Variants in PCCA observed in about 807,000 individuals in gnomAD.
The protein encoded by PCCA is propionyl-CoA carboxylase alpha chain, mitochondrial.
PCCA carries 74 observed loss-of-function variants against 101.3 expected under a neutral mutation model. That is an observed-to-expected ratio of 0.73 (90% CI 0.61 to 0.89). The LOEUF (loss-of-function observed/expected upper bound fraction) is 0.89. Among genes scored for constraint, PCCA ranks in the 40% least tolerant of loss-of-function variants. PCCA has a pLI of 0.00. For synonymous variants in PCCA, 294 were observed against 313.6 expected, an observed-to-expected ratio of 0.94 and a Z score of 0.66; for missense variants, 891 against 907.0, an observed-to-expected ratio of 0.98 and a Z score of 0.23.
In PCCA at chr13:100,140,739, TAGTTGGG is replaced by T. The variant is rs554049879; in HGVS notation, c.301-14239_301-14233del. 1.6e-4 allele frequency among the ~76,000 whole-genome samples: 24 copies of T among 152,246 alleles called. 1 individual carries two copies. The East Asian group carries it at 4.2e-3, about 27-fold the overall frequency. On this transcript the variant is annotated intron_variant, in intron 4 of 23. Coordinates refer to ENST00000376285, the MANE Select transcript of PCCA (RefSeq NM_000282.4). ...GGTTTCATAGTTGAATTCAGTGGGATAGTTGGGGTGGAGCATGCTTAGTCCATCTTAC... is the reference window on the plus strand; with the variant it reads ...GGTTTCATAGTTGAATTCAGTGGGATGTGGAGCATGCTTAGTCCATCTTAC...
chr13:100,328,173 G>C (rs569272532), intron 16 of PCCA, among the ~76,000 whole-genome samples: 60 of 152,150 alleles, frequency 3.9e-4, no homozygotes, highest in Non-Finnish European at 5.3e-4. Context: ...GACCAACCTG[G>C]CCAACATGAT....
intron 4 of PCCA, among the ~76,000 whole-genome samples, chr13:100,151,771 A>G (rs1042798067): frequency 6.6e-6 from 1 of 152,222 alleles, no homozygotes; most frequent in Non-Finnish European, 1.5e-5. Flanking sequence ...TTTGAAACAT[A>G]TAGCCAGTAA....
intron 21 of PCCA, among the ~76,000 whole-genome samples, chr13:100,500,612 G>C (rs2085596880): frequency 6.6e-6 from 1 of 152,176 alleles, no homozygotes; most frequent in African/African-American, 2.4e-5. Flanking sequence ...AGTGAGCACG[G>C]TGGTATTCTC....
intron 5 of PCCA, among the ~76,000 whole-genome samples, chr13:100,155,454 C>T (rs2053781002): frequency 6.6e-6 from 1 of 152,218 alleles, no homozygotes; most frequent in African/African-American, 2.4e-5. Context: ...GATCCAAAGA[C>T]TGTGTTCAAA....
intron 1 of PCCA, among the ~76,000 whole-genome samples, chr13:100,099,906 C>T (rs1162473657): frequency 6.6e-6 from 1 of 152,034 alleles, no homozygotes; most frequent in Non-Finnish European, 1.5e-5. Flanking sequence ...ATGTCAGAGC[C>T]AAGATTTGAA....
intron 4 of PCCA, among the ~76,000 whole-genome samples, chr13:100,136,202 TG>T (rs766946472): frequency 0.013 from 1,357 of 102,990 alleles, 9 homozygotes; most frequent in Non-Finnish European, 0.017. Context: ...TTTTTTTTTT[TG>T]AGATGGAGTT....
At chr13:100,286,800 A>G (rs949018343) in intron 12 of PCCA, among the ~76,000 whole-genome samples, 1 of 151,710 alleles carries the variant, frequency 6.6e-6, no homozygotes, top group Admixed American at 6.6e-5. Flanking sequence ...GTATGAAAAC[A>G]TAACAGATAT....
intron 12 of PCCA, among the ~76,000 whole-genome samples, chr13:100,300,424 A>G (rs1044322198): frequency 2.0e-5 from 3 of 152,158 alleles, no homozygotes; most frequent in African/African-American, 7.2e-5. Context: ...CTGTCCTTCA[A>G]TTAGTGTAGT....
intron 2 of PCCA, among the ~76,000 whole-genome samples, chr13:100,105,520 C>T (rs778329854): frequency 5.5e-4 from 84 of 152,030 alleles, no homozygotes; most frequent in African/African-American, 1.6e-3. Flanking sequence ...TCCTCATTAG[C>T]GTAATAACTG....
intron 19 of PCCA, among the ~76,000 whole-genome samples, chr13:100,393,888 G>A (rs2076931175): frequency 6.6e-6 from 1 of 152,086 alleles, no homozygotes; most frequent in African/African-American, 2.4e-5. Context: ...TTTGAGATCA[G>A]GTAGAAGATC....
At chr13:100,271,323 G>A (rs2063300290) in intron 11 of PCCA, among the ~76,000 whole-genome samples, 1 of 151,996 alleles carries the variant, frequency 6.6e-6, no homozygotes, top group Admixed American at 6.5e-5. Context: ...TGAACCCATT[G>A]ATTTATTGTA....
At chr13:100,263,944 T>C (rs1035292019) in intron 10 of PCCA, among the ~76,000 whole-genome samples, 4 of 151,302 alleles carry the variant, frequency 2.6e-5, no homozygotes, top group African/African-American at 9.7e-5. Context: ...ATGTCATATA[T>C]ACGGTATCTG....
At chr13:100,232,217 G>A (rs1165530732) in intron 7 of PCCA, among the ~76,000 whole-genome samples, 1 of 152,064 alleles carries the variant, frequency 6.6e-6, no homozygotes, top group East Asian at 1.9e-4. Flanking sequence ...AGCTTTAGCT[G>A]CCTGATATTC....
chr13:100,248,494 A>C (rs2061575913), intron 8 of PCCA, among the ~76,000 whole-genome samples: 1 of 152,184 alleles, frequency 6.6e-6, no homozygotes, highest in Non-Finnish European at 1.5e-5. Context: ...TAGCCATTCT[A>C]ATAGGCACAT....
In PCCA at chr13:100,527,738, G is replaced by T; in HGVS notation, c.2104G>T (p.Gly702Trp). The change falls in exon 23 of 24, where the codon GGG (glycine) becomes TGG (tryptophan). Residue 702 changes from glycine to tryptophan, a missense_variant. Transcript: ENST00000376285. ...AMKMQNSMTA[G>W]KTGTVKSVHC... is the part of the protein sequence containing the mutation. Reference sequence around the variant, plus strand: ...GAAAATGCAGAATAGTATGACAGCTGGGAAAACTGGCACGGTGAGTCCCTA... The same window carrying T: ...GAAAATGCAGAATAGTATGACAGCTTGGAAAACTGGCACGGTGAGTCCCTA... 6.2e-7 allele frequency: 1 copy of T among 1,613,084 alleles called. No homozygotes were observed.
chr13:100,353,840 C>T (rs982044203), intron 18 of PCCA, among the ~76,000 whole-genome samples: 5 of 151,944 alleles, frequency 3.3e-5, no homozygotes, highest in African/African-American at 1.2e-4. Flanking sequence ...ATAGTCCTTG[C>T]TACTTGGGAG....
chr13:100,458,928 A>G (rs1422743628), intron 21 of PCCA, among the ~76,000 whole-genome samples: 1 of 152,120 alleles, frequency 6.6e-6, no homozygotes, highest in Non-Finnish European at 1.5e-5. Flanking sequence ...GTGGCTTAAA[A>G]TAACAGAAAT....
intron 19 of PCCA, among the ~76,000 whole-genome samples, chr13:100,409,210 T>A (rs1273519437): frequency 6.6e-6 from 1 of 152,080 alleles, no homozygotes; most frequent in Non-Finnish European, 1.5e-5. Flanking sequence ...GGGGCACAGT[T>A]TCCTCCACCC....
chr13:100,135,605 A>G (rs369990710), intron 4 of PCCA, among the ~76,000 whole-genome samples: 3 of 152,054 alleles, frequency 2.0e-5, no homozygotes, highest in Admixed American at 6.6e-5. Flanking sequence ...TTGTCTGTGA[A>G]CAGAGACAGT....
Sources: allele counts gnomAD v4.1 joint callset (sites outside exome capture counted in the v4.1 genomes callset), GRCh38; gene constraint gnomAD v4.1.1; transcripts MANE v1.5; gene names NCBI Gene and HGNC (gene_info 2026-07-23, HGNC 2026-07-21).